The following MSANTD2 variants were observed in gnomAD, a reference collection of about 807,000 sequenced individuals.
The protein encoded by MSANTD2 is myb/SANT-like DNA-binding domain-containing protein 2.
Under a neutral mutation model 52.6 loss-of-function variants are expected in MSANTD2, and 19 were observed. The ratio of observed to expected loss-of-function variants is 0.36; its 90% CI spans 0.25 to 0.53. The LOEUF (loss-of-function observed/expected upper bound fraction) is 0.53, where lower values mean the gene tolerates loss of function less well. Among genes scored for constraint, MSANTD2 ranks in the 20% least tolerant of loss-of-function variants. MSANTD2 has a pLI of 0.91. For missense variants in MSANTD2, 558 were observed against 716.3 expected (o/e 0.78, Z 2.52); for synonymous variants, 291 against 289.7 (o/e 1.00, Z -0.04).
At chr11:124,778,955 G>A (rs1011552999) in intron 1 of MSANTD2, 1 of 152,194 alleles carries the variant, frequency 6.6e-6, no homozygotes. Context: ...AAGACCCAGG[G>A]TTACAGTACA....
chr11:124,784,970 T>C (rs1393298625), intron 1 of MSANTD2, among the ~76,000 whole-genome samples: 5 of 152,208 alleles, frequency 3.3e-5, no homozygotes, highest in Non-Finnish European at 7.3e-5. Flanking sequence ...CTTCATATCC[T>C]GACACATATC....
At chr11:124,798,329 G>A (rs762285116) in intron 1 of MSANTD2, among the ~76,000 whole-genome samples, 1 of 151,460 alleles carries the variant, frequency 6.6e-6, no homozygotes, top group African/African-American at 2.4e-5. Context: ...TTGAGCCCAG[G>A]AGTTCTTCAG....
Position 124,774,747 on chromosome 11 carries a change from G to T in MSANTD2, c.738C>A (p.Leu246=), listed in dbSNP as rs1357021662. 5 of 1,614,152 alleles carry T rather than the reference G, an allele frequency of 3.1e-6. No homozygotes were observed. Among genetic ancestry groups the T allele is most frequent in the Non-Finnish European group, 4.2e-6 (5 of 1,180,026 alleles). Residue 246 remains leucine, a synonymous_variant, in exon 2 of 4, where the codon CTC becomes CTA. Coordinates refer to ENST00000374979, the MANE Select transcript of MSANTD2 (RefSeq NM_001308027.2). The surrounding 1 kb of genome is among the most constrained non-coding windows in gnomAD (Gnocchi z 5.1). ...ATTCCTGATCTGTTGGATAGCCATG[G>T]AGATCCTGACTGTGGTTTCCCCAGT... ...QEDWGNHSQD[L]HGYPTDQELD...
intron 1 of MSANTD2, among the ~76,000 whole-genome samples, chr11:124,796,571 A>G (rs903018088): frequency 6.6e-6 from 1 of 152,134 alleles, no homozygotes; most frequent in Non-Finnish European, 1.5e-5. Context: ...CTCACCCTCT[A>G]AAGTAGCTGG....
rs568526765 is a variant in MSANTD2 at position 124,774,256 on chromosome 11, T to C, written c.766+463A>G. On this transcript the variant is annotated intron_variant, in intron 2 of 3. Transcript: ENST00000374979. This position sits in a 1 kb window ranked among gnomAD's most constrained non-coding sequence, Gnocchi z 5.1. ...CTGAGAGAAGACCTTTTCCAAATCATAAACAGAAAAGAAAAATGTATTTGG... is the reference window on the plus strand; with the variant it reads ...CTGAGAGAAGACCTTTTCCAAATCACAAACAGAAAAGAAAAATGTATTTGG... Among the ~76,000 whole-genome samples, 114 of 152,100 alleles carry C rather than the reference T, an allele frequency of 7.5e-4. No individual in the cohort carries two copies. Among genetic ancestry groups the C allele is most frequent in the Non-Finnish European group, 1.3e-3 (86 of 68,018 alleles).
intron 1 of MSANTD2, chr11:124,784,609 T>G (rs1945100688): frequency 3.0e-6 from 3 of 985,172 alleles, no homozygotes; most frequent in Non-Finnish European, 3.6e-6. Context: ...CAGAGCAGGC[T>G]TCCCCTGAAG....
intron 1 of MSANTD2, among the ~76,000 whole-genome samples, chr11:124,796,958 A>T (rs1223344344): frequency 6.6e-6 from 1 of 152,212 alleles, no homozygotes; most frequent in Non-Finnish European, 1.5e-5. Context: ...TATTTTCATA[A>T]GCATAATCTG....
At chr11:124,790,533 T>A (rs772695723) in intron 1 of MSANTD2, 1 of 152,256 alleles carries the variant, frequency 6.6e-6, no homozygotes, top group African/African-American at 2.4e-5. Context: ...ATATGAAATT[T>A]ATTCTTGTGT....
rs761845081 is a variant in MSANTD2, at chr11:124,799,958, G to A, written c.423C>T (p.Pro141=). 1.6e-5 allele frequency: 26 copies of A among 1,584,312 alleles called. No homozygotes were observed. The East Asian group carries it at 5.8e-4, about 35-fold the overall frequency. Residue 141 remains proline (P), a synonymous_variant, in exon 1 of 4, where the codon CCC becomes CCT. Coordinates refer to ENST00000374979, the MANE Select transcript of MSANTD2 (RefSeq NM_001308027.2). ...GAGTVFGSKA[P]GPAMYERVSR... ...ACACGCGCTCGTACATGGCTGGCCCGGGGGCCTTGCTGCCGAACACCGTGC... is the reference window on the plus strand; with the variant it reads ...ACACGCGCTCGTACATGGCTGGCCCAGGGGCCTTGCTGCCGAACACCGTGC...
intron 1 of MSANTD2, among the ~76,000 whole-genome samples, chr11:124,797,259 C>A (rs1468643240): frequency 6.6e-6 from 1 of 152,136 alleles, no homozygotes; most frequent in Non-Finnish European, 1.5e-5. Flanking sequence ...CCAAGGCAGG[C>A]GGATCGCTTG....
rs768250403 is a variant in MSANTD2, at chr11:124,791,909, T to C, written c.510+7962A>G. 4.6e-4 allele frequency: 164 copies of C among 354,654 alleles called. No individual in the cohort carries two copies. In the Middle Eastern group the frequency reaches 4.8e-3, roughly 10 times the overall value. The allele number at this position is 354,654 out of a possible 1,614,324, so 22.0% of individuals were successfully genotyped here. On this transcript the variant is annotated intron_variant, in intron 1 of 3. Transcript: ENST00000374979. ...AATTAGAACAGAACATATCAGAGTA[T>C]ATTACATGTAGTTCAGTATAGTGTC...
At chr11:124,780,811 G>C (rs889009517) in intron 1 of MSANTD2, among the ~76,000 whole-genome samples, 1 of 152,168 alleles carries the variant, frequency 6.6e-6, no homozygotes, top group Non-Finnish European at 1.5e-5. Context: ...TGTTCATTTA[G>C]ATAAAGCAGC....
At chr11:124,795,243 T>G (rs68115513) in intron 1 of MSANTD2, among the ~76,000 whole-genome samples, 16,833 of 152,180 alleles carry the variant, frequency 0.11, 982 homozygotes, top group East Asian at 0.18. Flanking sequence ...GCAAGTCTTT[T>G]AGGTCACATT....
At chr11:124,791,400 T>A (rs1945328763) in intron 1 of MSANTD2, 1 of 1,337,898 alleles carries the variant, frequency 7.5e-7, no homozygotes, top group Non-Finnish European at 1.1e-6. Context: ...CATCAAAACC[T>A]TAGAACTCAG....
chr11:124,769,192 C>T (rs1361368200), intron 3 of MSANTD2, among the ~76,000 whole-genome samples: 3 of 152,186 alleles, frequency 2.0e-5, no homozygotes, highest in African/African-American at 7.2e-5. Flanking sequence ...AACATTCTGG[C>T]GAGGCTTCAC....
intron 1 of MSANTD2, among the ~76,000 whole-genome samples, chr11:124,796,437 TTC>T (rs1205109347): frequency 1.3e-5 from 2 of 152,200 alleles, no homozygotes; most frequent in African/African-American, 4.8e-5. Context: ...CATAGTTGAA[TTC>T]TTTTTTTTTA....
At chr11:124,783,783 C>CT in intron 1 of MSANTD2, 7 of 985,294 alleles carry the variant, frequency 7.1e-6, no homozygotes, top group Non-Finnish European at 8.4e-6. Context: ...GAAAAAAACC[C>CT]TAAAGAAGGA....
At chr11:124,769,638 C>G (rs1944427185) in intron 3 of MSANTD2, among the ~76,000 whole-genome samples, 1 of 152,180 alleles carries the variant, frequency 6.6e-6, no homozygotes, top group Non-Finnish European at 1.5e-5. Context: ...AATGAAGTAT[C>G]CCAATGCCTG....
At chr11:124,781,383 T>C (rs187198354) in intron 1 of MSANTD2, among the ~76,000 whole-genome samples, 5 of 152,210 alleles carry the variant, frequency 3.3e-5, no homozygotes, top group African/African-American at 1.2e-4. Flanking sequence ...GATTAACTTA[T>C]CGATATAGAT....
Sources: allele counts gnomAD v4.1 joint callset (sites outside exome capture counted in the v4.1 genomes callset), GRCh38; gene constraint gnomAD v4.1.1; non-coding constraint Gnocchi (gnomAD v3.1); transcripts MANE v1.5; gene names NCBI Gene and HGNC (gene_info 2026-07-23, HGNC 2026-07-21).